NECAB1: variants seen among roughly 807,000 people sequenced by gnomAD.
NECAB1 encodes the protein N-terminal EF-hand calcium binding protein 1.
NECAB1 carries 29 observed loss-of-function variants against 57.5 expected under a neutral mutation model. That is an observed-to-expected ratio of 0.50 (90% confidence interval 0.38 to 0.69). The LOEUF (loss-of-function observed/expected upper bound fraction) is 0.69. NECAB1 is among the 30% of genes least tolerant of loss of function. NECAB1 has a pLI of 0.00. For missense variants in NECAB1, 372 were observed against 413.8 expected (o/e 0.90, Z 0.88); for synonymous variants, 142 against 147.7 (o/e 0.96, Z 0.28).
At chr8:90,952,531 C>A (rs745902218) in intron 12 of NECAB1, among the ~76,000 whole-genome samples, 1 of 152,146 alleles carries the variant, frequency 6.6e-6, no homozygotes, top group Non-Finnish European at 1.5e-5. Flanking sequence ...GTAATCCCAG[C>A]ACTTTGGGAG....
chr8:90,925,924 T>C (rs1810256393), intron 7 of NECAB1, among the ~76,000 whole-genome samples: 1 of 152,130 alleles, frequency 6.6e-6, no homozygotes, highest in South Asian at 2.1e-4. Context: ...TCAGCTAACA[T>C]CTAAAAGACT....
At chr8:90,891,654 G>C (rs984909290) in intron 5 of NECAB1, among the ~76,000 whole-genome samples, 1 of 151,264 alleles carries the variant, frequency 6.6e-6, no homozygotes, top group African/African-American at 2.4e-5. Flanking sequence ...CAAAGTTTAG[G>C]TTATTAGTAC....
intron 10 of NECAB1, among the ~76,000 whole-genome samples, chr8:90,942,987 TAA>T (rs1810712684): frequency 6.6e-6 from 1 of 152,240 alleles, no homozygotes; most frequent in South Asian, 2.1e-4. Flanking sequence ...ACAGAGAAGA[TAA>T]AGTCTATTTC....
chr8:90,839,814 A>C (rs1207949882), intron 3 of NECAB1, among the ~76,000 whole-genome samples: 2 of 152,186 alleles, frequency 1.3e-5, no homozygotes, highest in Non-Finnish European at 2.9e-5. Flanking sequence ...GGGGTAATCA[A>C]ATTTCTATCC....
At chr8:90,871,533 A>G (rs1808621907) in intron 3 of NECAB1, among the ~76,000 whole-genome samples, 1 of 152,104 alleles carries the variant, frequency 6.6e-6, no homozygotes, top group Non-Finnish European at 1.5e-5. Context: ...TTGATTTCTT[A>G]TTTTGTTTTA....
intron 5 of NECAB1, among the ~76,000 whole-genome samples, chr8:90,899,847 T>C (rs2631030): frequency 0.22 from 33,733 of 152,084 alleles, 4,987 homozygotes; most frequent in East Asian, 0.61. Context: ...TTTGAAACTA[T>C]TGAAAATATT....
intron 12 of NECAB1, among the ~76,000 whole-genome samples, chr8:90,955,274 G>A (rs1811010126): frequency 6.6e-6 from 1 of 150,560 alleles, no homozygotes; most frequent in Non-Finnish European, 1.5e-5. Flanking sequence ...ATTTTAGACT[G>A]CAACAAAGTG....
At chr8:90,896,645 C>CAA (rs1317023395) in intron 5 of NECAB1, among the ~76,000 whole-genome samples, 1 of 149,642 alleles carries the variant, frequency 6.7e-6, no homozygotes, top group Non-Finnish European at 1.5e-5. Flanking sequence ...AAAAAACAAA[C>CAA]AAACTAATAC....
In NECAB1 at chr8:90,808,194, C is replaced by T. The variant is rs540886545; in HGVS notation, c.124+6479C>T. Among the ~76,000 whole-genome samples, 3 of 152,184 alleles carry T rather than the reference C, an allele frequency of 2.0e-5. No individual in the cohort carries two copies. In the South Asian group the frequency reaches 6.2e-4, roughly 32 times the overall value. On this transcript the variant is annotated intron_variant, in intron 2 of 12. Coordinates refer to ENST00000417640, the MANE Select transcript of NECAB1 (RefSeq NM_022351.5). ...CCTCAAAATGGCTCCCAAGGGCTGT[C>T]AAAGGCTCAAAAATCAGGTCCTGCT...
chr8:90,830,575 G>A (rs557613550), intron 3 of NECAB1, among the ~76,000 whole-genome samples: 1 of 152,212 alleles, frequency 6.6e-6, no homozygotes, highest in South Asian at 2.1e-4. Context: ...ATTCAGACAA[G>A]CCCTGAACTG....
chr8:90,803,934 C>T (rs77363257), intron 2 of NECAB1, among the ~76,000 whole-genome samples: 1 of 152,190 alleles, frequency 6.6e-6, no homozygotes, highest in East Asian at 1.9e-4. Context: ...AGGGCCCCAC[C>T]CTCTCCCTGT....
At chr8:90,879,462 T>G (rs887405815) in intron 4 of NECAB1, among the ~76,000 whole-genome samples, 1 of 152,136 alleles carries the variant, frequency 6.6e-6, no homozygotes, top group Admixed American at 6.6e-5. Context: ...TTTCACTTTA[T>G]ATTTTTGTCT....
At chr8:90,950,014 A>C (rs2130271919) in intron 11 of NECAB1, 130 bp downstream of exon 11, 1 of 543,764 alleles carries the variant, frequency 1.8e-6, no homozygotes, top group South Asian at 3.1e-5. Flanking sequence ...TTTGCCCATT[A>C]CCATGAATTC....
rs576297705 is a variant in NECAB1, at chr8:90,825,661, T to C, written c.233+836T>C. ...AGATGCCAAGAAAATGCTCTTGGGC[T>C]ACATCTATAAACAGACATTTTTTTG... On this transcript the variant is annotated intron_variant, in intron 3 of 12. Coordinates refer to ENST00000417640, the MANE Select transcript of NECAB1 (RefSeq NM_022351.5). 1.1e-4 allele frequency among the ~76,000 whole-genome samples: 17 copies of C among 151,996 alleles called. No homozygotes were observed. In the South Asian group the frequency reaches 2.3e-3, roughly 20 times the overall value.
intron 5 of NECAB1, among the ~76,000 whole-genome samples, chr8:90,906,903 A>ATATGTATATATATATG (rs1265763899): frequency 7.1e-6 from 1 of 141,538 alleles, no homozygotes; most frequent in African/African-American, 2.7e-5. Context: ...ATATATATAT[A>ATATGTATATATATATG]TATATATCTT....
intron 3 of NECAB1, among the ~76,000 whole-genome samples, chr8:90,843,551 T>C (rs1415262005): frequency 6.6e-6 from 1 of 152,224 alleles, no homozygotes; most frequent in East Asian, 1.9e-4. Context: ...GGCTGTATTG[T>C]CTATTGTTAG....
chr8:90,910,565 T>A (rs1293950184), intron 5 of NECAB1, among the ~76,000 whole-genome samples: 1 of 152,184 alleles, frequency 6.6e-6, no homozygotes, highest in East Asian at 1.9e-4. Flanking sequence ...AATCTCCCTT[T>A]TTATTTCTTG....
intron 3 of NECAB1, among the ~76,000 whole-genome samples, chr8:90,825,715 T>C (rs1318218223): frequency 6.6e-6 from 1 of 151,874 alleles, no homozygotes; most frequent in Non-Finnish European, 1.5e-5. Context: ...AATTAAAAGA[T>C]TAAATTCACT....
At chr8:90,906,889 A>ATATGTATATATATATGTATATATATATG (rs1809676856) in intron 5 of NECAB1, among the ~76,000 whole-genome samples, 2 of 72,856 alleles carry the variant, frequency 2.7e-5, no homozygotes, top group African/African-American at 1.1e-4. Flanking sequence ...ATATATATAT[A>ATATGTATATATATATGTATATATATATG]TATATATATA....
Sources: gnomAD v4.1 joint callset for allele counts (sites outside exome capture counted in the v4.1 genomes callset) on GRCh38, gnomAD v4.1.1 for gene constraint, MANE v1.5 for transcripts, NCBI Gene and HGNC (gene_info 2026-07-23, HGNC 2026-07-21) for gene names.